Variants in NALCN observed in about 807,000 individuals in gnomAD.
The protein encoded by NALCN is sodium leak channel, non-selective, also known as sodium leak channel NALCN.
A neutral mutation model predicts 225.3 loss-of-function variants in NALCN; 111 were observed. The observed-to-expected ratio is 0.49, with a 90% CI of 0.42 to 0.58. The LOEUF (loss-of-function observed/expected upper bound fraction) is 0.58, where lower values mean the gene tolerates loss of function less well. Among genes scored for constraint, NALCN ranks in the 20% least tolerant of loss-of-function variants. The pLI is 0.00. For missense variants in NALCN, 1,378 were observed against 2,202.4 expected (o/e 0.63, Z 7.49); for synonymous variants, 764 against 769.0 (o/e 0.99, Z 0.11).
chr13:101,373,602 T>G lies in NALCN; in HGVS notation c.644+3098A>C, dbSNP rs143704252. Among the ~76,000 whole-genome samples the G allele has an allele frequency of 7.5e-3, 1,142 of 152,308 alleles. 12 individuals are homozygous for G. Among genetic ancestry groups the G allele is most frequent in the South Asian group, 0.016 (76 of 4,824 alleles). The stretch of plus-strand genomic sequence containing the variant: ...CAATGATCAAAAACTCTTGGCACTA[T>G]AGGAATTAAAGGTAACTTCCTCACT... On this transcript the variant is annotated intron_variant, in intron 6 of 43. Coordinates refer to ENST00000251127, the MANE Select transcript of NALCN (RefSeq NM_052867.4).
intron 6 of NALCN, among the ~76,000 whole-genome samples, chr13:101,362,877 C>A (rs1332772745): frequency 6.6e-6 from 1 of 151,990 alleles, no homozygotes; most frequent in Non-Finnish European, 1.5e-5. Context: ...AAATGATAAG[C>A]AAACTCAGTA....
rs1489630543 is a variant in NALCN, at chr13:101,227,886, T to C, written c.1626+1507A>G. Among the ~76,000 whole-genome samples the C allele has an allele frequency of 3.9e-5, 6 of 152,364 alleles. No homozygotes were observed. In the East Asian group the frequency reaches 5.8e-4, roughly 15 times the overall value. On this transcript the variant is annotated intron_variant, in intron 13 of 43. Coordinates refer to ENST00000251127, the MANE Select transcript of NALCN (RefSeq NM_052867.4). ...TTGCTCACCTCAGACATTTAGTACA[T>C]GCTGTTCCTGTGATGGGAATCCGTT...
intron 26 of NALCN, among the ~76,000 whole-genome samples, chr13:101,102,831 C>T (rs1318147849): frequency 6.6e-6 from 1 of 152,140 alleles, no homozygotes; most frequent in Non-Finnish European, 1.5e-5. Flanking sequence ...TTGTGGAGTA[C>T]ACAGTGTTGA....
intron 42 of NALCN, chr13:101,059,205 TC>T (rs1207167747): frequency 2.0e-5 from 3 of 152,356 alleles, no homozygotes; most frequent in Non-Finnish European, 2.9e-5. Context: ...CGCTGATAAC[TC>T]CTTGTACTTT....
At chr13:101,171,607 G>A (rs1023262607) in intron 15 of NALCN, among the ~76,000 whole-genome samples, 1 of 152,058 alleles carries the variant, frequency 6.6e-6, no homozygotes, top group African/African-American at 2.4e-5. Flanking sequence ...ATAACACACA[G>A]GGAAGGCAAT....
Position 101,290,620 on chromosome 13 carries a change from T to C in NALCN, c.1047+1370A>G, listed in dbSNP as rs577911718. On this transcript the variant is annotated intron_variant, in intron 9 of 43. Coordinates refer to ENST00000251127, the MANE Select transcript of NALCN (RefSeq NM_052867.4). ...AATAAGACTGACACTATTTCATCTA[T>C]AATGAATTGACTGGACAATTCAGAC... is the stretch of plus-strand genomic sequence containing the variant. 8.5e-5 allele frequency among the ~76,000 whole-genome samples: 13 copies of C among 152,314 alleles called. No homozygotes were observed. In the East Asian group the frequency reaches 2.5e-3, roughly 29 times the overall value.
At chr13:101,351,104 T>G (rs756352476) in intron 6 of NALCN, among the ~76,000 whole-genome samples, 6 of 152,188 alleles carry the variant, frequency 3.9e-5, no homozygotes, top group Non-Finnish European at 8.8e-5. Flanking sequence ...TAATAATTAT[T>G]TTCTGAATAA....
chr13:101,385,485 T>C (rs756756352), intron 3 of NALCN, among the ~76,000 whole-genome samples: 78 of 152,298 alleles, frequency 5.1e-4, no homozygotes, highest in Non-Finnish European at 9.4e-4. Flanking sequence ...ATTATACTAA[T>C]ATTTGCTATT....
chr13:101,344,049 T>C (rs578190366), intron 7 of NALCN, among the ~76,000 whole-genome samples: 1 of 152,178 alleles, frequency 6.6e-6, no homozygotes, highest in Non-Finnish European at 1.5e-5. Flanking sequence ...ATTCTAGTCA[T>C]GCCCAGCTGT....
chr13:101,159,925 TTTTTTTG>T (rs1399161393), intron 15 of NALCN, among the ~76,000 whole-genome samples: 2 of 150,816 alleles, frequency 1.3e-5, no homozygotes, highest in African/African-American at 4.8e-5. Context: ...GAGAGAAGGT[TTTTTTTG>T]TTTTTTGTTA....
At chr13:101,397,554 CAT>C (rs1055517672) in intron 2 of NALCN, among the ~76,000 whole-genome samples, 18 of 150,764 alleles carry the variant, frequency 1.2e-4, no homozygotes, top group African/African-American at 3.9e-4. Flanking sequence ...GGGTAATATG[CAT>C]ATATGTTAAC....
rs139934039 is a variant in NALCN at position 101,212,748 on chromosome 13, C to T, written c.1626+16645G>A. Among the ~76,000 whole-genome samples, 559 of 152,084 alleles carry T rather than the reference C, an allele frequency of 3.7e-3. 4 individuals are homozygous for T. The highest frequency in any genetic ancestry group is 0.011 in the African/African-American group (461 of 41,486). The stretch of plus-strand genomic sequence containing the variant: ...ACAAAGGCAAAAGACTGTGAGGCTG[C>T]GGACAGTAAAGGCAAACACTGGGAT... On this transcript the variant is annotated intron_variant, in intron 13 of 43. Transcript: ENST00000251127.
chr13:101,320,844 C>T (rs1164868775), intron 7 of NALCN, among the ~76,000 whole-genome samples: 2 of 152,246 alleles, frequency 1.3e-5, no homozygotes, highest in East Asian at 3.9e-4. Flanking sequence ...ATCTATCCCT[C>T]CTTTTATTTG....
intron 30 of NALCN, among the ~76,000 whole-genome samples, chr13:101,086,262 G>T (rs1377022469): frequency 1.3e-5 from 2 of 151,622 alleles, no homozygotes; most frequent in East Asian, 3.9e-4. Context: ...TATTGATTTG[G>T]ATATTTGACA....
chr13:101,199,042 A>C (rs1158579687), intron 13 of NALCN, among the ~76,000 whole-genome samples: 1 of 152,026 alleles, frequency 6.6e-6, no homozygotes, highest in African/African-American at 2.4e-5. Flanking sequence ...TCACAAGGAC[A>C]AAAGTCAAAC....
rs531339581 is a variant in NALCN, at chr13:101,112,418, GA to G, written c.2193-1193del. Among the ~76,000 whole-genome samples the G allele has an allele frequency of 1.4e-3, 218 of 151,716 alleles. 1 individual carries two copies. The highest frequency in any genetic ancestry group is 2.3e-3 in the Non-Finnish European group (155 of 67,872). On this transcript the variant is annotated intron_variant, in intron 18 of 43. Transcript: ENST00000251127. ...CCTGTGGTGTGAATGATTTTGGTGA[GA>G]AAAAAAAATTATTCTCCAGAAAATT...
At chr13:101,347,140 T>TACAC (rs56838607) in intron 6 of NALCN, among the ~76,000 whole-genome samples, 6,896 of 149,448 alleles carry the variant, frequency 0.046, 210 homozygotes, top group African/African-American at 0.07. Context: ...TACATAGTTT[T>TACAC]ACACACACAC....
intron 28 of NALCN, among the ~76,000 whole-genome samples, chr13:101,090,396 A>G (rs1365266577): frequency 6.6e-6 from 1 of 152,228 alleles, no homozygotes; most frequent in African/African-American, 2.4e-5. Flanking sequence ...TTTGTAACTG[A>G]AAATCTTTCG....
intron 11 of NALCN, among the ~76,000 whole-genome samples, chr13:101,251,514 G>A (rs1050237131): frequency 1.3e-5 from 2 of 152,084 alleles, no homozygotes; most frequent in African/African-American, 4.8e-5. Context: ...TTAAAAATCT[G>A]GGTGACGGAC....
Sources: allele counts gnomAD v4.1 joint callset (sites outside exome capture counted in the v4.1 genomes callset), GRCh38; gene constraint gnomAD v4.1.1; transcripts MANE v1.5; gene names NCBI Gene and HGNC (gene_info 2026-07-23, HGNC 2026-07-21).